The following IL20RB variants were observed in gnomAD, a reference collection of about 807,000 sequenced individuals.
IL20RB encodes the protein interleukin-20 receptor subunit beta.
In IL20RB, 21 loss-of-function variants were observed where a neutral mutation model predicts 33.3. That is an observed-to-expected ratio of 0.63 (90% CI 0.45 to 0.91). The LOEUF is 0.91. Among genes scored for constraint, IL20RB ranks in the 40% least tolerant of loss-of-function variants. The probability of loss-of-function intolerance (pLI) is 0.00; values close to 1 mark genes in which losing one functional copy is unlikely to be tolerated. For synonymous variants in IL20RB, 147 were observed against 146.8 expected (o/e 1.00, Z -0.01); for missense variants, 345 against 384.8 (o/e 0.90, Z 0.86).
At chr3:136,972,905 C>A (rs1431005712) in intron 1 of IL20RB, among the ~76,000 whole-genome samples, 1 of 151,710 alleles carries the variant, frequency 6.6e-6, no homozygotes, top group Non-Finnish European at 1.5e-5. Flanking sequence ...TTTAATCTTT[C>A]TACTTTTTCA....
Position 136,992,056 on chromosome 3 carries a change from C to T in IL20RB, c.650C>T (p.Ala217Val). 3 of 1,614,180 alleles carry T rather than the reference C, an allele frequency of 1.9e-6. No individual in the cohort carries two copies. Among genetic ancestry groups the T allele is most frequent in the Non-Finnish European group, 2.5e-6 (3 of 1,180,032 alleles). Residue 217 changes from alanine (A) to valine (V), a missense_variant, in exon 5 of 7, where the codon GCC becomes GTC. Transcript: ENST00000329582. The part of the protein sequence containing the change: ...TFVKAIGRYS[A>V]FSQTECVEVQ... The stretch of plus-strand genomic sequence containing the variant: ...GTGAAGGCCATTGGGAGGTACAGCG[C>T]CTTCAGCCAGACAGAATGTGTGGAG...
intron 6 of IL20RB, among the ~76,000 whole-genome samples, chr3:137,004,079 T>C (rs1483574249): frequency 6.6e-6 from 1 of 152,236 alleles, no homozygotes; most frequent in Non-Finnish European, 1.5e-5. Flanking sequence ...GATTTGTGTA[T>C]GTTGAATCAG....
chr3:136,990,349 G>A (rs1171725563), intron 4 of IL20RB, among the ~76,000 whole-genome samples: 3 of 152,120 alleles, frequency 2.0e-5, no homozygotes, highest in South Asian at 2.1e-4. Flanking sequence ...TAAACAGCTG[G>A]CAGAGGGCCA....
chr3:136,989,261 A>G (rs1941976766), intron 3 of IL20RB, among the ~76,000 whole-genome samples, 180 bp from the exon 4 acceptor site: 1 of 152,216 alleles, frequency 6.6e-6, no homozygotes, highest in Admixed American at 6.5e-5. Flanking sequence ...GCATTTACTG[A>G]GCACCTGCTG....
At chr3:137,004,425 T>G (rs1424392034) in intron 6 of IL20RB, among the ~76,000 whole-genome samples, 1 of 152,214 alleles carries the variant, frequency 6.6e-6, no homozygotes, top group Non-Finnish European at 1.5e-5. Flanking sequence ...GGCTATTAAT[T>G]ATTGCCTCAA....
intron 6 of IL20RB, among the ~76,000 whole-genome samples, chr3:136,997,863 T>C (rs1339513694): frequency 6.6e-6 from 1 of 151,766 alleles, no homozygotes; most frequent in Non-Finnish European, 1.5e-5. Flanking sequence ...AACCTCTGCC[T>C]CCCGGGTTTA....
At chr3:136,995,594 T>C (rs1240678943) in intron 6 of IL20RB, 38 bp downstream of exon 6, 7 of 1,604,940 alleles carry the variant, frequency 4.4e-6, no homozygotes, top group Non-Finnish European at 6.0e-6. Context: ...AGTATAACAC[T>C]GACCAGATGT....
chr3:136,977,327 A>G (rs1941644191), intron 1 of IL20RB, among the ~76,000 whole-genome samples: 1 of 152,206 alleles, frequency 6.6e-6, no homozygotes, highest in African/African-American at 2.4e-5. Context: ...AAACCTATAT[A>G]CAATTTGGGG....
chr3:136,974,146 C>G (rs1046469503), intron 1 of IL20RB, among the ~76,000 whole-genome samples: 1 of 151,536 alleles, frequency 6.6e-6, no homozygotes, highest in Non-Finnish European at 1.5e-5. Context: ...TTCTTTTTCT[C>G]CTATTGTTCA....
chr3:136,975,100 T>C (rs1283323369), intron 1 of IL20RB, among the ~76,000 whole-genome samples: 1 of 152,120 alleles, frequency 6.6e-6, no homozygotes, highest in Admixed American at 6.5e-5. Flanking sequence ...ATTCCTTCTC[T>C]GGGATTTCAA....
chr3:136,987,466 T>A (rs1235715700), intron 3 of IL20RB, among the ~76,000 whole-genome samples: 1 of 152,156 alleles, frequency 6.6e-6, no homozygotes, highest in Non-Finnish European at 1.5e-5. Flanking sequence ...TTACAATCCC[T>A]GAGCTAGACA....
intron 3 of IL20RB, among the ~76,000 whole-genome samples, chr3:136,985,597 A>T (rs959098926): frequency 6.6e-6 from 1 of 152,150 alleles, no homozygotes; most frequent in African/African-American, 2.4e-5. Flanking sequence ...TCAGCCTCCC[A>T]AAATGCTGGG....
chr3:136,995,608 T>G, intron 6 of IL20RB, 52 bp downstream of exon 6: 1 of 1,589,110 alleles, frequency 6.3e-7, no homozygotes, highest in Non-Finnish European at 8.6e-7. Flanking sequence ...CAGATGTAGT[T>G]TGGGCCTTAG....
chr3:136,971,394 G>C (rs1028122249), intron 1 of IL20RB, among the ~76,000 whole-genome samples: 1 of 152,194 alleles, frequency 6.6e-6, no homozygotes, highest in African/African-American at 2.4e-5. Context: ...GCCTCCCAAA[G>C]TGCTGGGATT....
At chr3:136,960,305 G>A (rs775350601) in intron 1 of IL20RB, among the ~76,000 whole-genome samples, 32 of 151,658 alleles carry the variant, frequency 2.1e-4, no homozygotes, top group African/African-American at 4.6e-4. Context: ...ACGCCACCAC[G>A]CCCAGCTAAT....
At chr3:137,006,986 C>A (rs1172872997) in intron 6 of IL20RB, among the ~76,000 whole-genome samples, 1 of 151,958 alleles carries the variant, frequency 6.6e-6, no homozygotes, top group African/African-American at 2.4e-5. Flanking sequence ...TGTTGATGCT[C>A]TTCCTTTCTG....
At position 136,996,164 on chromosome 3, in the gene IL20RB, C is replaced by G. The variant is rs1577029773; in HGVS notation, c.825+608C>G. The stretch of plus-strand genomic sequence containing the variant: ...AATTCTTATCTTACTCCTGAGGGCC[C>G]TGGACCACAGGTCTGGGTCTCTCCA... On this transcript the variant is annotated intron_variant, in intron 6 of 6. Coordinates refer to ENST00000329582, the MANE Select transcript of IL20RB (RefSeq NM_144717.4). Among the ~76,000 whole-genome samples, 4 of 152,152 alleles carry G rather than the reference C, an allele frequency of 2.6e-5. No homozygotes were observed. The South Asian group carries it at 8.3e-4, about 32-fold the overall frequency.
intron 6 of IL20RB, among the ~76,000 whole-genome samples, chr3:137,006,916 C>G (rs1224693490): frequency 6.6e-6 from 1 of 152,152 alleles, no homozygotes; most frequent in Non-Finnish European, 1.5e-5. Context: ...TTATATGTAC[C>G]TTTCGTCTTG....
chr3:136,962,717 A>G (rs1941255184), intron 1 of IL20RB, among the ~76,000 whole-genome samples: 1 of 150,680 alleles, frequency 6.6e-6, no homozygotes, highest in African/African-American at 2.4e-5. Flanking sequence ...GCACCACTGC[A>G]CTCCAGTCTG....
Sources: allele counts gnomAD v4.1 joint callset (sites outside exome capture counted in the v4.1 genomes callset), GRCh38; gene constraint gnomAD v4.1.1; transcripts MANE v1.5; gene names NCBI Gene and HGNC (gene_info 2026-07-23, HGNC 2026-07-21).